The following MGAT4A variants were observed in gnomAD, a reference collection of about 807,000 sequenced individuals.
The protein encoded by MGAT4A is N-acetylglucosaminyltransferase IVa.
Under a neutral mutation model 74.1 loss-of-function variants are expected in MGAT4A, and 33 were observed. The ratio of observed to expected loss-of-function variants is 0.45; its 90% CI spans 0.34 to 0.60. The LOEUF (loss-of-function observed/expected upper bound fraction) is 0.60. Among genes scored for constraint, MGAT4A ranks in the 20% least tolerant of loss-of-function variants. The pLI is 0.02. For missense variants in MGAT4A, 479 were observed against 628.3 expected (o/e 0.76, Z 2.54); for synonymous variants, 198 against 210.4 (o/e 0.94, Z 0.51).
At chr2:98,678,143 T>G (rs547464111) in intron 3 of MGAT4A, among the ~76,000 whole-genome samples, 161 bp downstream of exon 3, 3 of 149,454 alleles carry the variant, frequency 2.0e-5, no homozygotes, top group Non-Finnish European at 4.4e-5. Context: ...GGCAGAAGAA[T>G]GGTGTGAACC....
chr2:98,662,160 T>A (rs1290486564), intron 5 of MGAT4A, among the ~76,000 whole-genome samples: 2 of 152,216 alleles, frequency 1.3e-5, no homozygotes, highest in South Asian at 4.1e-4. Flanking sequence ...GAGTATTATA[T>A]CAGTGTTAAT....
chr2:98,697,068 G>A (rs1283609353), intron 2 of MGAT4A, among the ~76,000 whole-genome samples: 6 of 152,074 alleles, frequency 3.9e-5, no homozygotes, highest in Non-Finnish European at 8.8e-5. Flanking sequence ...CTGGTGAAGT[G>A]TTACATGGAA....
In MGAT4A at chr2:98,674,988, A is replaced by G. The variant is rs915401362; in HGVS notation, c.403+47T>C. The G allele has an allele frequency of 3.8e-6, 6 of 1,583,834 alleles. No individual in the cohort carries two copies. The South Asian group carries it at 4.7e-5, about 12-fold the overall frequency. On this transcript the variant is annotated intron_variant, in intron 4 of 15. Transcript: ENST00000393487. ...TGGTCAACATAATAGTCCAAAACAC[A>G]TTTAACAGCAGTAGTACAACTGCAG...
chr2:98,689,157 T>A (rs956884086), intron 2 of MGAT4A, among the ~76,000 whole-genome samples: 5 of 152,208 alleles, frequency 3.3e-5, no homozygotes, highest in Non-Finnish European at 7.3e-5. Flanking sequence ...GCATCATCTT[T>A]CAGGATAGCA....
intron 1 of MGAT4A, among the ~76,000 whole-genome samples, chr2:98,728,099 A>T (rs1271933025): frequency 6.6e-6 from 1 of 152,172 alleles, no homozygotes; most frequent in Non-Finnish European, 1.5e-5. Context: ...AGTGTAAATT[A>T]AAAAAATAAA....
chr2:98,729,789 T>A (rs1272534006), intron 1 of MGAT4A, among the ~76,000 whole-genome samples: 1 of 152,162 alleles, frequency 6.6e-6, no homozygotes, highest in East Asian at 1.9e-4. Flanking sequence ...ACAGACAGGG[T>A]AGAGGTGACT....
chr2:98,623,647 C>G lies in MGAT4A; in HGVS notation c.*1919G>C, dbSNP rs1309933967. 1 of 985,202 alleles carries G rather than the reference C, an allele frequency of 1.0e-6. No individual in the cohort carries two copies. Among genetic ancestry groups the G allele is most frequent in the East Asian group, 1.1e-4 (1 of 8,832 alleles). 61.0% of individuals were successfully genotyped at this position (985,202 alleles called of 1,614,324 possible). On this transcript the variant is annotated 3_prime_UTR_variant, in exon 16 of 16. Coordinates refer to ENST00000393487, the MANE Select transcript of MGAT4A (RefSeq NM_012214.3). Reference sequence around the variant, plus strand: ...TAAAAAAATTTCAACTGGCCTTTAACTGACATAAAAATCATTTTTGGCAAT... The same window carrying G: ...TAAAAAAATTTCAACTGGCCTTTAAGTGACATAAAAATCATTTTTGGCAAT...
At chr2:98,636,859 C>G (rs1701329348) in intron 12 of MGAT4A, among the ~76,000 whole-genome samples, 1 of 152,134 alleles carries the variant, frequency 6.6e-6, no homozygotes, top group Non-Finnish European at 1.5e-5. Flanking sequence ...AATAATGTAC[C>G]TAGATATTTT....
Position 98,683,790 on chromosome 2 carries a change from T to G in MGAT4A, c.95-5319A>C, listed in dbSNP as rs1204307397. ...CACCCCTAATTCTAAAATGCTTCCC[T>G]GCTTTGAGGGGAACTGTCCATGCTT... On this transcript the variant is annotated intron_variant, in intron 2 of 15. Coordinates refer to ENST00000393487, the MANE Select transcript of MGAT4A (RefSeq NM_012214.3). 3.9e-5 allele frequency among the ~76,000 whole-genome samples: 6 copies of G among 152,320 alleles called. No individual in the cohort carries two copies. In the East Asian group the frequency reaches 1.2e-3, roughly 29 times the overall value.
chr2:98,672,023 G>A (rs1575261721), intron 4 of MGAT4A, among the ~76,000 whole-genome samples: 1 of 147,150 alleles, frequency 6.8e-6, no homozygotes, highest in Non-Finnish European at 1.5e-5. Context: ...ACAACCTGGT[G>A]TTAGGACTTC....
At chr2:98,711,367 T>A (rs1383344059) in intron 2 of MGAT4A, among the ~76,000 whole-genome samples, 1 of 151,306 alleles carries the variant, frequency 6.6e-6, no homozygotes, top group Non-Finnish European at 1.5e-5. Flanking sequence ...CAGTCAATAA[T>A]CCTGATCACA....
chr2:98,681,796 AAG>A (rs1491017284), intron 2 of MGAT4A, among the ~76,000 whole-genome samples: 2 of 152,174 alleles, frequency 1.3e-5, no homozygotes. Flanking sequence ...CTAGTAAAAA[AAG>A]AGTTTTTTTA....
intron 4 of MGAT4A, among the ~76,000 whole-genome samples, chr2:98,664,299 T>TATATA (rs1701794901): frequency 6.6e-6 from 1 of 151,478 alleles, no homozygotes; most frequent in Non-Finnish European, 1.5e-5. Flanking sequence ...GTTCCTATAA[T>TATATA]GCTTGTTTTC....
intron 9 of MGAT4A, 54 bp from the exon 10 acceptor site, chr2:98,644,107 G>A: frequency 6.9e-7 from 1 of 1,458,152 alleles, no homozygotes; most frequent in Non-Finnish European, 9.2e-7. Context: ...GCACCAAAAT[G>A]GCTTACATTC....
Position 98,656,374 on chromosome 2 carries a change from C to T in MGAT4A, c.676G>A (p.Gly226Arg), listed in dbSNP as rs1223744522. The T allele has an allele frequency of 6.2e-7, 1 of 1,606,890 alleles. No individual in the cohort carries two copies. Among genetic ancestry groups the T allele is most frequent in the Non-Finnish European group, 8.5e-7 (1 of 1,174,582 alleles). ...CACCTTACTCTTTCTTTGGAGTCTC[C>T]AAATGTCTCCTTTAGGTTTGTCAAG... ...PDLTNLKETF[G>R]DSKERVRWRT... is the part of the protein sequence containing the mutation. Residue 226 changes from glycine to arginine, a missense_variant, in exon 7 of 16, where the codon GGA becomes AGA. This residue lies in a region of MGAT4A where 38 missense variants were observed against 87.4 expected (regional missense o/e 0.43). Transcript: ENST00000393487.
intron 8 of MGAT4A, among the ~76,000 whole-genome samples, chr2:98,653,369 G>GA (rs1340300760): frequency 6.8e-6 from 1 of 146,252 alleles, no homozygotes; most frequent in East Asian, 2.0e-4. Context: ...AAAAAAAGCA[G>GA]AAAAAAACCC....
At chr2:98,667,973 C>G (rs1257604089) in intron 4 of MGAT4A, among the ~76,000 whole-genome samples, 1 of 152,172 alleles carries the variant, frequency 6.6e-6, no homozygotes, top group Non-Finnish European at 1.5e-5. Context: ...CCGCCTCGGC[C>G]TCCCAAAGTG....
intron 2 of MGAT4A, among the ~76,000 whole-genome samples, chr2:98,686,290 C>T (rs1702129448): frequency 6.6e-6 from 1 of 152,098 alleles, no homozygotes; most frequent in Admixed American, 6.6e-5. Context: ...TTCATTTACT[C>T]CCTTATGTTT....
At chr2:98,686,748 T>C (rs1203259508) in intron 2 of MGAT4A, among the ~76,000 whole-genome samples, 2 of 152,134 alleles carry the variant, frequency 1.3e-5, no homozygotes, top group African/African-American at 2.4e-5. Flanking sequence ...GATTTCACCA[T>C]GTTGCCCAGG....
Sources: gnomAD v4.1 joint callset for allele counts (sites outside exome capture counted in the v4.1 genomes callset) on GRCh38, gnomAD v4.1.1 for gene constraint, gnomAD v4.1.1 regional missense constraint, MANE v1.5 for transcripts, NCBI Gene and HGNC (gene_info 2026-07-23, HGNC 2026-07-21) for gene names.